The following CDH12 variants were observed in gnomAD, a reference collection of about 807,000 sequenced individuals.
The protein encoded by CDH12 is cadherin 12, also known as cadherin-12.
A neutral mutation model predicts 74.1 loss-of-function variants in CDH12; 41 were observed. The observed-to-expected ratio is 0.55, with a 90% confidence interval of 0.43 to 0.72. The LOEUF is 0.72. CDH12 is among the 30% of genes least tolerant of loss of function. The pLI is 0.00. For missense variants in CDH12, 945 were observed against 977.2 expected (o/e 0.97, Z 0.44); for synonymous variants, 399 against 355.0 (o/e 1.12, Z -1.39).
At chr5:21,963,090 T>C (rs1250919347) in intron 6 of CDH12, among the ~76,000 whole-genome samples, 2 of 147,672 alleles carry the variant, frequency 1.4e-5, no homozygotes, top group Non-Finnish European at 3.0e-5. Context: ...TATTTACAAA[T>C]ATCGATAGAT....
intron 6 of CDH12, among the ~76,000 whole-genome samples, chr5:21,959,753 A>C (rs1197011993): frequency 3.6e-5 from 3 of 84,120 alleles, no homozygotes; most frequent in African/African-American, 6.6e-5. Context: ...ACTAAAATCC[A>C]AAAAAAAAAA....
rs570162890 is a variant in CDH12, at chr5:22,359,207, T to A, written c.-333+46050A>T. Among the ~76,000 whole-genome samples, 8 of 152,160 alleles carry A rather than the reference T, an allele frequency of 5.3e-5. No homozygotes were observed. In the South Asian group the frequency reaches 1.7e-3, roughly 32 times the overall value. On this transcript the variant is annotated intron_variant, in intron 3 of 14. Transcript: ENST00000382254. ...CCCATTTCATGTGCAGAGACACACA[T>A]AGGCTCAAAATAAAGGGATGGAGGA...
intron 1 of CDH12, among the ~76,000 whole-genome samples, chr5:22,757,744 C>T (rs753972828): frequency 6.6e-6 from 1 of 151,996 alleles, no homozygotes; most frequent in Non-Finnish European, 1.5e-5. Flanking sequence ...CAGCTTTGTC[C>T]TCCTCTCAAT....
chr5:21,997,107 C>A (rs1181965137), intron 5 of CDH12, among the ~76,000 whole-genome samples: 2 of 152,020 alleles, frequency 1.3e-5, no homozygotes, highest in Non-Finnish European at 2.9e-5. Context: ...TTCTTCTTAG[C>A]AATCAAGATG....
At chr5:21,811,723 T>TTTTA (rs60546103) in intron 9 of CDH12, among the ~76,000 whole-genome samples, 1 of 150,370 alleles carries the variant, frequency 6.7e-6, no homozygotes, top group Admixed American at 6.7e-5. Flanking sequence ...TTTTTTTTTT[T>TTTTA]ACAGTTTTCT....
chr5:21,845,811 T>C (rs1750135448), intron 7 of CDH12, among the ~76,000 whole-genome samples: 1 of 152,074 alleles, frequency 6.6e-6, no homozygotes, highest in Non-Finnish European at 1.5e-5. Flanking sequence ...AAGAAATTAC[T>C]TAGGCAGATA....
chr5:22,801,119 A>G lies in CDH12; in HGVS notation c.-523+51939T>C, dbSNP rs188144882. On this transcript the variant is annotated intron_variant, in intron 1 of 14. Coordinates refer to ENST00000382254, the MANE Select transcript of CDH12 (RefSeq NM_004061.5). ...GTTTAGTTTTTTAAGGAACTACCGCATTGTCTTCCAAAGTGGCTATACCAT... is the reference window on the plus strand; with the variant it reads ...GTTTAGTTTTTTAAGGAACTACCGCGTTGTCTTCCAAAGTGGCTATACCAT... 1.1e-4 allele frequency among the ~76,000 whole-genome samples: 17 copies of G among 152,292 alleles called. No individual in the cohort carries two copies. The East Asian group carries it at 2.3e-3, about 21-fold the overall frequency.
At chr5:22,550,735 T>C (rs1242038258) in intron 1 of CDH12, among the ~76,000 whole-genome samples, 1 of 152,196 alleles carries the variant, frequency 6.6e-6, no homozygotes, top group Non-Finnish European at 1.5e-5. Flanking sequence ...TTTATCCAGT[T>C]ATAACGTTTT....
chr5:22,068,768 G>A (rs1385531630), intron 5 of CDH12, among the ~76,000 whole-genome samples: 1 of 152,184 alleles, frequency 6.6e-6, no homozygotes, highest in Admixed American at 6.5e-5. Flanking sequence ...AACCCATTCT[G>A]TGGATACCTG....
intron 1 of CDH12, among the ~76,000 whole-genome samples, chr5:22,779,688 A>C (rs1747289898): frequency 6.6e-6 from 1 of 152,146 alleles, no homozygotes. Context: ...AGTGTTTTAC[A>C]GTTCCTCTTT....
chr5:22,553,885 C>T (rs373159527), intron 1 of CDH12, among the ~76,000 whole-genome samples: 1 of 152,098 alleles, frequency 6.6e-6, no homozygotes, highest in African/African-American at 2.4e-5. Flanking sequence ...CATTTTGCAA[C>T]CTGCTGTCAA....
chr5:22,024,609 T>C (rs958112495), intron 5 of CDH12, among the ~76,000 whole-genome samples: 6 of 152,112 alleles, frequency 3.9e-5, no homozygotes, highest in African/African-American at 1.2e-4. Flanking sequence ...ACCTCCCAAA[T>C]TCAAGAAATT....
intron 5 of CDH12, among the ~76,000 whole-genome samples, chr5:22,018,759 G>A (rs1737772473): frequency 6.6e-6 from 1 of 152,130 alleles, no homozygotes; most frequent in African/African-American, 2.4e-5. Context: ...AGTCCTATTG[G>A]TAGTGAACAG....
At chr5:22,799,051 A>G (rs568714361) in intron 1 of CDH12, among the ~76,000 whole-genome samples, 1 of 152,164 alleles carries the variant, frequency 6.6e-6, no homozygotes, top group African/African-American at 2.4e-5. Context: ...TGGGAGAAAG[A>G]GGTTGAAATG....
intron 1 of CDH12, among the ~76,000 whole-genome samples, chr5:22,610,141 T>C (rs72637718): frequency 0.069 from 10,539 of 152,312 alleles, 450 homozygotes; most frequent in East Asian, 0.24. Flanking sequence ...AAACTTCTCA[T>C]GGTGACTATA....
chr5:22,831,481 G>A (rs1400163328), intron 1 of CDH12, among the ~76,000 whole-genome samples: 1 of 151,704 alleles, frequency 6.6e-6, no homozygotes, highest in Non-Finnish European at 1.5e-5. Context: ...AGTAAATGGA[G>A]GATGTCAAGT....
At chr5:22,741,817 T>G (rs1745038777) in intron 1 of CDH12, among the ~76,000 whole-genome samples, 1 of 152,214 alleles carries the variant, frequency 6.6e-6, no homozygotes, top group East Asian at 1.9e-4. Flanking sequence ...TTGGAATAGA[T>G]ACTGTGGATT....
At chr5:22,305,096 T>C (rs1486930688) in intron 3 of CDH12, among the ~76,000 whole-genome samples, 2 of 79,852 alleles carry the variant, frequency 2.5e-5, no homozygotes, top group Non-Finnish European at 4.8e-5. Context: ...GCCTCTAAAA[T>C]ATATCTATAA....
intron 5 of CDH12, among the ~76,000 whole-genome samples, chr5:21,989,701 A>G (rs1757667977): frequency 6.6e-6 from 1 of 152,234 alleles, no homozygotes. Flanking sequence ...ACTTTAACAC[A>G]TTATGTTTAA....
Sources: allele counts gnomAD v4.1 joint callset (sites outside exome capture counted in the v4.1 genomes callset), GRCh38; gene constraint gnomAD v4.1.1; transcripts MANE v1.5; gene names NCBI Gene and HGNC (gene_info 2026-07-23, HGNC 2026-07-21).